The following MAGI1 variants were observed in gnomAD, a reference collection of about 807,000 sequenced individuals.
The protein encoded by MAGI1 is membrane associated guanylate kinase, WW and PDZ domain containing 1, also known as membrane-associated guanylate kinase, WW and PDZ domain-containing protein 1.
A neutral mutation model predicts 139.9 loss-of-function variants in MAGI1; 58 were observed. The observed-to-expected ratio is 0.41, with a 90% CI of 0.34 to 0.52. The LOEUF (loss-of-function observed/expected upper bound fraction) is 0.52, where lower values mean the gene tolerates loss of function less well. Ranked by LOEUF, MAGI1 falls within the 20% of genes least tolerant of loss-of-function variation. The pLI is 0.12. For synonymous variants in MAGI1, 812 were observed against 737.9 expected, an observed-to-expected ratio of 1.10 and a Z score of -1.63; for missense variants, 1,874 against 1,901.6, an observed-to-expected ratio of 0.99 and a Z score of 0.27.
intron 1 of MAGI1, among the ~76,000 whole-genome samples, chr3:65,639,469 G>C (rs1303851346): frequency 6.6e-6 from 1 of 152,198 alleles, no homozygotes; most frequent in Non-Finnish European, 1.5e-5. Flanking sequence ...ACAGGTATTT[G>C]AGTTTCGGGA....
intron 1 of MAGI1, among the ~76,000 whole-genome samples, chr3:65,915,714 T>C (rs2061869021): frequency 6.6e-6 from 1 of 152,134 alleles, no homozygotes; most frequent in African/African-American, 2.4e-5. Context: ...TCCATATGCT[T>C]TCCTGAAAAC....
At chr3:65,574,266 T>TA (rs2081084812) in intron 2 of MAGI1, among the ~76,000 whole-genome samples, 1 of 151,128 alleles carries the variant, frequency 6.6e-6, no homozygotes, top group Non-Finnish European at 1.5e-5. Context: ...TACATATATG[T>TA]AAACTGCTTG....
chr3:65,404,367 C>T (rs1386203833), intron 12 of MAGI1, among the ~76,000 whole-genome samples: 1 of 152,106 alleles, frequency 6.6e-6, no homozygotes, highest in Non-Finnish European at 1.5e-5. Flanking sequence ...CCAGAAGATC[C>T]CAGCTCAACT....
At chr3:66,006,805 G>GGTTTTGTTTTGTTTTGTTTT (rs10529713) in intron 1 of MAGI1, among the ~76,000 whole-genome samples, 59 of 147,890 alleles carry the variant, frequency 4.0e-4, no homozygotes, top group East Asian at 1.2e-3. Flanking sequence ...TGAAGAACAT[G>GGTTTTGTTTTGTTTTGTTTT]GTTTTGTTTT....
chr3:65,504,332 T>A (rs989548657), intron 2 of MAGI1, among the ~76,000 whole-genome samples: 2 of 152,236 alleles, frequency 1.3e-5, no homozygotes, highest in African/African-American at 2.4e-5. Context: ...TTAAAAAATC[T>A]GTATTTAGGC....
chr3:65,995,371 C>A (rs1278689264), intron 1 of MAGI1, among the ~76,000 whole-genome samples: 2 of 152,164 alleles, frequency 1.3e-5, no homozygotes, highest in African/African-American at 4.8e-5. Context: ...CTCACACCGT[C>A]CCAATGCAGG....
At chr3:66,022,971 A>C (rs1184605239) in intron 1 of MAGI1, among the ~76,000 whole-genome samples, 1 of 152,198 alleles carries the variant, frequency 6.6e-6, no homozygotes, top group African/African-American at 2.4e-5. Context: ...CTGAAACACC[A>C]TGAAATATAA....
At chr3:66,026,380 C>T (rs757686953) in intron 1 of MAGI1, among the ~76,000 whole-genome samples, 15 of 152,060 alleles carry the variant, frequency 9.9e-5, no homozygotes, top group Non-Finnish European at 2.2e-4. Context: ...ACGGAAAAGT[C>T]AGACATATGG....
chr3:66,027,557 G>A (rs1243594868), intron 1 of MAGI1, among the ~76,000 whole-genome samples: 2 of 152,188 alleles, frequency 1.3e-5, no homozygotes, highest in Non-Finnish European at 2.9e-5. Flanking sequence ...TAGGTCAGCA[G>A]TCAGGGAACC....
chr3:65,940,730 C>A (rs1450319258), intron 1 of MAGI1, among the ~76,000 whole-genome samples: 2 of 152,164 alleles, frequency 1.3e-5, no homozygotes, highest in African/African-American at 4.8e-5. Flanking sequence ...GGAACTACTA[C>A]AAGGAGTAAA....
At chr3:65,472,742 C>G (rs576643796) in intron 4 of MAGI1, among the ~76,000 whole-genome samples, 1 of 152,288 alleles carries the variant, frequency 6.6e-6, no homozygotes, top group Admixed American at 6.5e-5. Context: ...CTGAAGGGAG[C>G]TGGGCACTCA....
chr3:65,660,492 G>C (rs1333876990), intron 1 of MAGI1, among the ~76,000 whole-genome samples: 1 of 152,204 alleles, frequency 6.6e-6, no homozygotes, highest in Non-Finnish European at 1.5e-5. Flanking sequence ...ACATTGATTA[G>C]TCTTCTACAG....
At chr3:65,483,622 T>C (rs1456633620) in intron 3 of MAGI1, among the ~76,000 whole-genome samples, 1 of 152,234 alleles carries the variant, frequency 6.6e-6, no homozygotes, top group South Asian at 2.1e-4. Context: ...AGGCTGATTA[T>C]CCCACAGGCT....
At chr3:66,036,810 G>A (rs1311137911) in intron 1 of MAGI1, among the ~76,000 whole-genome samples, 2 of 152,156 alleles carry the variant, frequency 1.3e-5, no homozygotes, top group African/African-American at 4.8e-5. Context: ...GCTTTCACTG[G>A]GGAGAACCTG....
At chr3:65,484,022 C>A (rs929750147) in intron 3 of MAGI1, among the ~76,000 whole-genome samples, 1 of 152,144 alleles carries the variant, frequency 6.6e-6, no homozygotes, top group Non-Finnish European at 1.5e-5. Flanking sequence ...TTACAGAAAA[C>A]CTTTTTAATG....
chr3:65,657,884 T>C (rs1013739931), intron 1 of MAGI1, among the ~76,000 whole-genome samples: 19 of 152,194 alleles, frequency 1.2e-4, no homozygotes, highest in African/African-American at 4.3e-4. Context: ...ACTTACATTA[T>C]AGGACTGAAA....
intron 3 of MAGI1, among the ~76,000 whole-genome samples, chr3:65,485,925 A>T (rs890292715): frequency 2.0e-5 from 3 of 152,178 alleles, no homozygotes; most frequent in Non-Finnish European, 4.4e-5. Flanking sequence ...AGCTCCCCCC[A>T]TCTTCATAAG....
intron 7 of MAGI1, among the ~76,000 whole-genome samples, chr3:65,447,306 A>G (rs1243242660): frequency 6.6e-6 from 1 of 152,228 alleles, no homozygotes; most frequent in Non-Finnish European, 1.5e-5. Context: ...ACGTAATTCA[A>G]TATATTCCAA....
At chr3:65,610,708 C>T (rs970651173) in intron 2 of MAGI1, among the ~76,000 whole-genome samples, 17 of 79,298 alleles carry the variant, frequency 2.1e-4, no homozygotes, top group South Asian at 7.2e-4. Context: ...AGGAGAAAAA[C>T]GTCAGGTTCA....
Sources: gnomAD v4.1 joint callset for allele counts (sites outside exome capture counted in the v4.1 genomes callset) on GRCh38, gnomAD v4.1.1 for gene constraint, MANE v1.5 for transcripts, NCBI Gene and HGNC (gene_info 2026-07-23, HGNC 2026-07-21) for gene names.